Variants in NAA25 observed in about 807,000 individuals in gnomAD.
NAA25 encodes N-terminal acetyltransferase B complex subunit NAA25.
Under a neutral mutation model 132.5 loss-of-function variants are expected in NAA25, and 30 were observed. That is an observed-to-expected ratio of 0.23 (90% CI 0.17 to 0.31). NAA25 has a LOEUF of 0.31. NAA25 is among the 10% of genes least tolerant of loss of function. The pLI is 1.00. For synonymous variants in NAA25, 359 were observed against 401.9 expected (o/e 0.89, Z 1.28); for missense variants, 771 against 1,150.4 (o/e 0.67, Z 4.77).
At position 112,029,448 on chromosome 12, in the gene NAA25, T is replaced by C. The variant is rs1185934079; in HGVS notation, c.*83A>G. The C allele has an allele frequency of 1.3e-6, 2 of 1,592,092 alleles. No individual in the cohort carries two copies. Among genetic ancestry groups the C allele is most frequent in the Non-Finnish European group, 1.7e-6 (2 of 1,170,782 alleles). On this transcript the variant is annotated 3_prime_UTR_variant, in exon 24 of 24. Transcript: ENST00000261745. ...ATGAGGAAGTTCTGGATTAAAATCA[T>C]GGTCAACCAGATGTTGCTTTTGCCT...
At chr12:112,046,809 T>A (rs2078388064) in intron 17 of NAA25, among the ~76,000 whole-genome samples, 1 of 152,210 alleles carries the variant, frequency 6.6e-6, no homozygotes. Flanking sequence ...ATTTTCTTAT[T>A]GACTTATTAA....
chr12:112,083,650 T>C (rs1398290099), intron 4 of NAA25, among the ~76,000 whole-genome samples: 1 of 152,136 alleles, frequency 6.6e-6, no homozygotes, highest in Non-Finnish European at 1.5e-5. Flanking sequence ...GTACGTATAC[T>C]CCACAGGTAT....
intron 13 of NAA25, among the ~76,000 whole-genome samples, chr12:112,055,071 G>A (rs1450162226): frequency 1.3e-5 from 2 of 152,006 alleles, no homozygotes; most frequent in African/African-American, 4.8e-5. Flanking sequence ...ATTTCAAAAG[G>A]TACATGTATC....
chr12:112,090,669 A>G, intron 3 of NAA25, 57 bp downstream of exon 3: 1 of 1,579,594 alleles, frequency 6.3e-7, no homozygotes. Context: ...GCAAACAGTC[A>G]GAAATATCCA....
intron 1 of NAA25, among the ~76,000 whole-genome samples, chr12:112,094,784 C>A (rs1443983680): frequency 6.6e-6 from 1 of 152,088 alleles, no homozygotes; most frequent in Non-Finnish European, 1.5e-5. Context: ...CTCAGCCTCC[C>A]GAGTAGCTGG....
At chr12:112,033,516 C>A (rs1052590702) in intron 22 of NAA25, 137 bp from the exon 23 acceptor site, 1 of 623,570 alleles carries the variant, frequency 1.6e-6, no homozygotes, top group Non-Finnish European at 2.5e-6. Flanking sequence ...ATGAATGGTA[C>A]TAAAATAACC....
At chr12:112,086,043 AAAAAAAAAATATATAT>A (rs2079044625) in intron 4 of NAA25, among the ~76,000 whole-genome samples, 1 of 78,970 alleles carries the variant, frequency 1.3e-5, no homozygotes, top group Non-Finnish European at 2.1e-5. Flanking sequence ...AAAAAAAAAA[AAAAAAAAAATATATAT>A]ATATATATAT....
In NAA25 at chr12:112,026,786, A is replaced by C. The variant is rs2078092233; in HGVS notation, c.*2745T>G. 1 of 152,260 alleles carries C rather than the reference A, an allele frequency of 6.6e-6. No homozygotes were observed. Among genetic ancestry groups the C allele is most frequent in the South Asian group, 2.1e-4 (1 of 4,834 alleles). The allele number at this position is 152,260 out of a possible 1,614,324, so 9.4% of individuals were successfully genotyped here. On this transcript the variant is annotated 3_prime_UTR_variant, in exon 24 of 24. Transcript: ENST00000261745. ...ACTTAAGGAAGAATATATACTTCCT[A>C]TATTAATAAATCACATCAAATAAGT...
intron 1 of NAA25, among the ~76,000 whole-genome samples, chr12:112,101,478 C>A (rs1192209177): frequency 6.6e-6 from 1 of 151,904 alleles, no homozygotes; most frequent in African/African-American, 2.4e-5. Flanking sequence ...TAATACAGGC[C>A]GGGTGCGGTG....
chr12:112,100,808 A>G (rs954489186), intron 1 of NAA25, among the ~76,000 whole-genome samples: 12 of 150,800 alleles, frequency 8.0e-5, no homozygotes, highest in African/African-American at 2.4e-4. Context: ...TTTAGTGGAG[A>G]CGGGGTTTCA....
rs1051920638 is a variant in NAA25, at chr12:112,043,993, T to C, written c.2007-125A>G. 4 of 932,030 alleles carry C rather than the reference T, an allele frequency of 4.3e-6. No homozygotes were observed. In the African/African-American group the frequency reaches 5.0e-5, roughly 12 times the overall value. 57.7% of individuals were successfully genotyped at this position (932,030 alleles called of 1,614,324 possible). On this transcript the variant is annotated intron_variant, in intron 17 of 23. Coordinates refer to ENST00000261745, the MANE Select transcript of NAA25 (RefSeq NM_024953.4). ...CCCAGGCTGGAGTGCAGTGGCACTATCTCTGCTCACTGCAAGCTCTGCCTC... is the reference window on the plus strand; with the variant it reads ...CCCAGGCTGGAGTGCAGTGGCACTACCTCTGCTCACTGCAAGCTCTGCCTC...
At chr12:112,040,706 A>C in intron 20 of NAA25, 128 bp from the exon 21 acceptor site, 1 of 596,860 alleles carries the variant, frequency 1.7e-6, no homozygotes, top group Non-Finnish European at 2.9e-6. Flanking sequence ...TTCATTTTCC[A>C]TAATGAACCA....
At chr12:112,086,439 GA>G (rs780648213) in intron 4 of NAA25, among the ~76,000 whole-genome samples, 19 of 151,940 alleles carry the variant, frequency 1.3e-4, no homozygotes, top group Admixed American at 2.0e-4. Context: ...AGGTTGCAGT[GA>G]GCCGAGATCG....
At chr12:112,041,943 CT>C in intron 20 of NAA25, 95 bp downstream of exon 20, 1 of 684,250 alleles carries the variant, frequency 1.5e-6, no homozygotes, top group South Asian at 2.0e-5. Context: ...ACTTACTTAT[CT>C]CTGGGTGATT....
intron 1 of NAA25, among the ~76,000 whole-genome samples, chr12:112,107,117 G>A (rs1193194539): frequency 6.6e-6 from 1 of 151,622 alleles, no homozygotes; most frequent in Non-Finnish European, 1.5e-5. Context: ...GAAGTTCGCT[G>A]GGCCTGGTGG....
chr12:112,108,781 A>C lies in NAA25; in HGVS notation c.-8T>G, dbSNP rs911574339. The C allele has an allele frequency of 1.6e-5, 24 of 1,513,400 alleles. No homozygotes were observed. Among genetic ancestry groups the C allele is most frequent in the Non-Finnish European group, 2.0e-5 (23 of 1,126,556 alleles). The allele number at this position is 1,513,400 out of a possible 1,614,324, so 93.7% of individuals were successfully genotyped here. ...ATGGCCCCGCGTCGCCATGATGACA[A>C]GCGCAGAACCACAGTGCGCACGCGC... On this transcript the variant is annotated 5_prime_UTR_variant, in exon 1 of 24. Transcript: ENST00000261745.
chr12:112,047,691 A>G lies in NAA25; in HGVS notation c.1980T>C (p.Val660=). ...TGTCTTTTGGATCCCAGCTGAAAAA[A>G]ACATTTAAGTCTCTGTTGTCTCGCA... ...EDLRDNRDLN[V]FFSWDPKDRD... The change falls in exon 17 of 24, where the codon GTT becomes GTC. Residue 660 remains valine, a synonymous_variant. Coordinates refer to ENST00000261745, the MANE Select transcript of NAA25 (RefSeq NM_024953.4). The G allele has an allele frequency of 6.2e-7, 1 of 1,613,488 alleles. No individual in the cohort carries two copies.
At chr12:112,101,453 G>GAT (rs559380415) in intron 1 of NAA25, among the ~76,000 whole-genome samples, 13 of 151,992 alleles carry the variant, frequency 8.6e-5, no homozygotes, top group Admixed American at 5.3e-4. Flanking sequence ...AAAAATGAAA[G>GAT]ATATATATAT....
chr12:112,093,043 G>A lies in NAA25; in HGVS notation c.144+8C>T. ...ACAGGTAAGTAACTGAAGGGCAAAT[G>A]AAGTTACCTTAGCACAATGAAGATC... On this transcript the variant is annotated splice_region_variant and intron_variant, in intron 2 of 23. Coordinates refer to ENST00000261745, the MANE Select transcript of NAA25 (RefSeq NM_024953.4). 1 of 1,595,542 alleles carries A rather than the reference G, an allele frequency of 6.3e-7. No individual in the cohort carries two copies. The highest frequency in any genetic ancestry group is 8.6e-7 in the Non-Finnish European group (1 of 1,168,216).
Sources: allele counts gnomAD v4.1 joint callset (sites outside exome capture counted in the v4.1 genomes callset), GRCh38; gene constraint gnomAD v4.1.1; transcripts MANE v1.5; gene names NCBI Gene and HGNC (gene_info 2026-07-23, HGNC 2026-07-21).